BEST3: variants seen among roughly 807,000 people sequenced by gnomAD.
The protein encoded by BEST3 is bestrophin-3.
A neutral mutation model predicts 47.1 loss-of-function variants in BEST3; 50 were observed. The ratio of observed to expected loss-of-function variants is 1.06; its 90% CI spans 0.85 to 1.34. BEST3 has a LOEUF of 1.34. BEST3 is among the 40% of genes most tolerant of loss of function. The pLI is 0.00. For synonymous variants in BEST3, 282 were observed against 298.8 expected, an observed-to-expected ratio of 0.94 and a Z score of 0.58; for missense variants, 765 against 817.0, an observed-to-expected ratio of 0.94 and a Z score of 0.78.
intron 4 of BEST3, among the ~76,000 whole-genome samples, chr12:69,680,310 C>CTTCTTCT (rs763385722): frequency 7.4e-5 from 7 of 95,004 alleles, no homozygotes; most frequent in Admixed American, 1.3e-4. Context: ...TACACTTGAT[C>CTTCTTCT]TTTTTTTTTT....
chr12:69,672,259 G>C (rs1343302100), intron 8 of BEST3, among the ~76,000 whole-genome samples: 1 of 152,232 alleles, frequency 6.6e-6, no homozygotes, highest in Non-Finnish European at 1.5e-5. Context: ...GTAAGGGCTT[G>C]AAACAAATGA....
chr12:69,680,371 C>T (rs1396824860), intron 4 of BEST3, among the ~76,000 whole-genome samples: 3 of 137,278 alleles, frequency 2.2e-5, no homozygotes, highest in Non-Finnish European at 3.0e-5. Context: ...TGCAGTGGCG[C>T]GATCTCAGCT....
At chr12:69,644,808 T>A (rs1275547169) in intron 9 of BEST3, among the ~76,000 whole-genome samples, 2 of 152,224 alleles carry the variant, frequency 1.3e-5, no homozygotes, top group African/African-American at 4.8e-5. Context: ...ATTTTAGTTT[T>A]CCAGGCCATT....
rs747469465 is a variant in BEST3, at chr12:69,655,347, C to A, written c.1567G>T (p.Ala523Ser). The A allele has an allele frequency of 4.3e-6, 7 of 1,614,082 alleles. No individual in the cohort carries two copies. In the South Asian group the frequency reaches 7.7e-5, roughly 18 times the overall value. The change falls in exon 10 of 10, where the codon GCT (alanine) becomes TCT (serine). Residue 523 changes from alanine (A) to serine (S), a missense_variant. Coordinates refer to ENST00000330891, the MANE Select transcript of BEST3 (RefSeq NM_032735.3). ...AACTCAGAGCTCAAGATGGAGGTAGCGGAATCATGGTGGTAGCCCCCTGAT... is the reference window on the plus strand; with the variant it reads ...AACTCAGAGCTCAAGATGGAGGTAGAGGAATCATGGTGGTAGCCCCCTGAT... ...PTSGGYHHDS[A>S]TSILSSEFTG...
chr12:69,665,428 A>G (rs570286772), intron 9 of BEST3, among the ~76,000 whole-genome samples: 1 of 152,292 alleles, frequency 6.6e-6, no homozygotes, highest in East Asian at 1.9e-4. Context: ...CCCCGTCTCT[A>G]CTAAAAATAC....
At chr12:69,652,961 A>G (rs966153202), downstream of BEST3, among the ~76,000 whole-genome samples, 2 of 152,204 alleles carry the variant, frequency 1.3e-5, no homozygotes, top group African/African-American at 2.4e-5. Flanking sequence ...AACACTACCA[A>G]CCAACATAGA....
chr12:69,674,468 C>T (rs1319463094), intron 7 of BEST3, among the ~76,000 whole-genome samples: 1 of 152,120 alleles, frequency 6.6e-6, no homozygotes, highest in Non-Finnish European at 1.5e-5. Flanking sequence ...TTTCCTTGGG[C>T]AGGTCTGTGC....
intron 4 of BEST3, among the ~76,000 whole-genome samples, chr12:69,692,646 C>A (rs1026903739): frequency 1.1e-4 from 17 of 152,188 alleles, no homozygotes; most frequent in African/African-American, 3.9e-4. Flanking sequence ...CAGGTTATAA[C>A]CTTTCTGAAT....
intron 9 of BEST3, among the ~76,000 whole-genome samples, chr12:69,656,369 A>G (rs75086968): frequency 9.3e-5 from 14 of 150,108 alleles, no homozygotes; most frequent in South Asian, 2.1e-4. Context: ...CTATGAATCT[A>G]TCTGTCTGTC....
intron 9 of BEST3, among the ~76,000 whole-genome samples, chr12:69,666,400 C>T (rs976850956): frequency 3.9e-5 from 6 of 152,238 alleles, no homozygotes; most frequent in African/African-American, 1.4e-4. Context: ...TCAATCACTT[C>T]TAACCTACTA....
intron 4 of BEST3, among the ~76,000 whole-genome samples, chr12:69,688,006 G>C: frequency 6.6e-6 from 1 of 152,302 alleles, no homozygotes; most frequent in South Asian, 2.1e-4. Flanking sequence ...GAGCAAAGGC[G>C]TAATAGTTCT....
At chr12:69,694,278 T>C in intron 3 of BEST3, 92 bp downstream of exon 3, 1 of 781,700 alleles carries the variant, frequency 1.3e-6, no homozygotes, top group East Asian at 2.8e-5. Flanking sequence ...CAGGCATGCC[T>C]CTCAGCTTGG....
At chr12:69,684,703 T>C in intron 4 of BEST3, 2 of 489,886 alleles carry the variant, frequency 4.1e-6, no homozygotes, top group Non-Finnish European at 7.8e-6. Context: ...TGTTTTTATC[T>C]CTGTGTTTTC....
At position 69,655,273 on chromosome 12, in the gene BEST3, T is replaced by C. The variant is rs1883391308; in HGVS notation, c.1641A>G (p.Gly547=). The change falls in exon 10 of 10, where the codon GGA becomes GGG. Residue 547 remains glycine, a synonymous_variant. Transcript: ENST00000330891. ...CCTTCTCTGAGGGAGACAGGATGGATCCCATGGGGCCCTGCTGCTGCTCAG... is the reference window on the plus strand; with the variant it reads ...CCTTCTCTGAGGGAGACAGGATGGACCCCATGGGGCCCTGCTGCTGCTCAG... ...SKTEQQQGPM[G]SILSPSEKET... The C allele has an allele frequency of 6.2e-7, 1 of 1,613,992 alleles. No homozygotes were observed. The highest frequency in any genetic ancestry group is 8.5e-7 in the Non-Finnish European group (1 of 1,180,016).
chr12:69,677,708 A>C (rs1488328507), intron 5 of BEST3, among the ~76,000 whole-genome samples: 3 of 152,126 alleles, frequency 2.0e-5, no homozygotes, highest in Non-Finnish European at 4.4e-5. Context: ...TTGAGTACAA[A>C]AGGTCAAGCC....
intron 9 of BEST3, among the ~76,000 whole-genome samples, chr12:69,667,017 A>T (rs182620387): frequency 6.4e-4 from 98 of 152,326 alleles, no homozygotes; most frequent in East Asian, 5.8e-4. Context: ...TCTTTCAGCC[A>T]GCTGCCAGGC....
At chr12:69,659,171 G>A (rs1883714573) in intron 9 of BEST3, among the ~76,000 whole-genome samples, 1 of 152,080 alleles carries the variant, frequency 6.6e-6, no homozygotes, top group Admixed American at 6.6e-5. Context: ...TCTTAATGCT[G>A]TAACAGAGCA....
chr12:69,662,766 AT>A (rs1249600727), intron 9 of BEST3, among the ~76,000 whole-genome samples: 1 of 152,312 alleles, frequency 6.6e-6, no homozygotes, highest in East Asian at 1.9e-4. Flanking sequence ...AGATTATTAT[AT>A]ATGTGAGAAC....
downstream of BEST3, among the ~76,000 whole-genome samples, chr12:69,651,850 GA>G (rs1337854711): frequency 4.6e-5 from 7 of 151,102 alleles, no homozygotes; most frequent in African/African-American, 9.7e-5. Flanking sequence ...AGCTAGAGGC[GA>G]AAACACCAAA....
Sources: gnomAD v4.1 joint callset for allele counts (sites outside exome capture counted in the v4.1 genomes callset) on GRCh38, gnomAD v4.1.1 for gene constraint, MANE v1.5 for transcripts, NCBI Gene and HGNC (gene_info 2026-07-23, HGNC 2026-07-21) for gene names.